CHD5: variants seen among roughly 807,000 people sequenced by gnomAD.
CHD5 encodes chromodomain helicase DNA binding protein 5.
In CHD5, 69 loss-of-function variants were observed where a neutral mutation model predicts 230.3. The observed-to-expected ratio is 0.30, with a 90% CI of 0.25 to 0.37. The LOEUF (loss-of-function observed/expected upper bound fraction) is 0.37, where lower values mean the gene tolerates loss of function less well. Ranked by LOEUF, CHD5 falls within the 10% of genes least tolerant of loss-of-function variation. CHD5 has a pLI of 1.00. For missense variants in CHD5, 1,827 were observed against 2,622.8 expected (o/e 0.70, Z 6.63); for synonymous variants, 1,064 against 1,065.9 (o/e 1.00, Z 0.03).
At chr1:6,145,934 A>C (rs2100860386) in intron 11 of CHD5, among the ~76,000 whole-genome samples, 1 of 152,288 alleles carries the variant, frequency 6.6e-6, no homozygotes, top group East Asian at 1.9e-4. Context: ...GGTATCAAGC[A>C]CTAACCCAGC....
At position 6,142,369 on chromosome 1, in the gene CHD5, GC is replaced by G; in HGVS notation, c.2236-42del. 1 of 1,595,358 alleles carries G rather than the reference GC, an allele frequency of 6.3e-7. No homozygotes were observed. Among genetic ancestry groups the G allele is most frequent in the Non-Finnish European group, 8.6e-7 (1 of 1,166,974 alleles). Reference sequence around the variant, plus strand: ...GATGCCGTGAGACCACCTGCCCTTGGCCAGGACCAGCCACCCCTCCTGGCCG... The same window carrying G: ...GATGCCGTGAGACCACCTGCCCTTGGCAGGACCAGCCACCCCTCCTGGCCG... On this transcript the variant is annotated intron_variant, in intron 14 of 41. Coordinates refer to ENST00000262450, the MANE Select transcript of CHD5 (RefSeq NM_015557.3). This position sits in a 1 kb window ranked among gnomAD's most constrained non-coding sequence, Gnocchi z 5.2.
Position 6,117,798 on chromosome 1 carries a change from C to T in CHD5, c.4912+3307G>A, listed in dbSNP as rs189711543. ...AAAGACAGATAATAACAGGTATTGG[C>T]AAGTATGTGAAGAAACTGGAACCCT... On this transcript the variant is annotated intron_variant, in intron 33 of 41. Coordinates refer to ENST00000262450, the MANE Select transcript of CHD5 (RefSeq NM_015557.3). Among the ~76,000 whole-genome samples, 670 of 152,200 alleles carry T rather than the reference C, an allele frequency of 4.4e-3. 4 individuals carry two copies. The highest frequency in any genetic ancestry group is 0.015 in the African/African-American group (604 of 41,496).
chr1:6,144,408 G>T (rs1221625226), intron 11 of CHD5, among the ~76,000 whole-genome samples: 1 of 152,208 alleles, frequency 6.6e-6, no homozygotes, highest in Non-Finnish European at 1.5e-5. Flanking sequence ...GGAGCAATGA[G>T]CCAGCCTCCC....
In CHD5 at chr1:6,154,767, A is replaced by G. The variant is rs767762669; in HGVS notation, c.638T>C (p.Val213Ala). ...GSSAAAAAAA[V>A]AAAVETVTIS... ...GGTGACCGTCTCTACAGCCGCAGCC[A>G]CCGCCGCCGCCGCTGCTGCCGCGGA... is the stretch of plus-strand genomic sequence containing the variant. The change falls in exon 5 of 42, where the codon GTG (valine) becomes GCG (alanine). Residue 213 changes from valine (V) to alanine (A), a missense_variant. Val to Ala is a moderately conservative substitution (Grantham distance 64). Around this residue, in one of 14 missense-constraint regions of CHD5, gnomAD observed 657 missense variants for 816.4 expected, o/e 0.80. Coordinates refer to ENST00000262450, the MANE Select transcript of CHD5 (RefSeq NM_015557.3). The surrounding 1 kb of genome is among the most constrained non-coding windows in gnomAD (Gnocchi z 7.0). The G allele has an allele frequency of 1.1e-5, 18 of 1,612,070 alleles. No homozygotes were observed. In the African/African-American group the frequency reaches 2.0e-4, roughly 18 times the overall value.
In CHD5 at chr1:6,142,022, G is replaced by C. The variant is rs766956121; in HGVS notation, c.2436+106C>G. 27 of 1,005,926 alleles carry C rather than the reference G, an allele frequency of 2.7e-5. No homozygotes were observed. The highest frequency in any genetic ancestry group is 4.0e-5 in the Non-Finnish European group (26 of 654,518). 62.3% of individuals were successfully genotyped at this position (1,005,926 alleles called of 1,614,324 possible). A position where few individuals can be genotyped will look rare whatever the true frequency, so the allele number is the denominator to read the frequency against. On this transcript the variant is annotated intron_variant, in intron 15 of 41. Transcript: ENST00000262450. This position sits in a 1 kb window ranked among gnomAD's most constrained non-coding sequence, Gnocchi z 5.2. Reference sequence around the variant, plus strand: ...AGCCCCTCAGAGCCTGCCGGCCTCGGTAGCCCTCCCAGGCTGAGGGACCCC... The same window carrying C: ...AGCCCCTCAGAGCCTGCCGGCCTCGCTAGCCCTCCCAGGCTGAGGGACCCC...
rs2100868103 is a variant in CHD5 at position 6,154,156 on chromosome 1, G to T, written c.745+504C>A. Among the ~76,000 whole-genome samples the T allele has an allele frequency of 6.6e-6, 1 of 152,300 alleles. No individual in the cohort carries two copies. Among genetic ancestry groups the T allele is most frequent in the Admixed American group, 6.5e-5 (1 of 15,306 alleles). ...CCCGGATCCTAAAGCTGGAGGGGCA[G>T]GGCCTCCATGCTCCACATTGGCCGA... On this transcript the variant is annotated intron_variant, in intron 5 of 41. Coordinates refer to ENST00000262450, the MANE Select transcript of CHD5 (RefSeq NM_015557.3). The surrounding 1 kb of genome is among the most constrained non-coding windows in gnomAD (Gnocchi z 7.0).
At chr1:6,114,026 G>T (rs910064879) in intron 33 of CHD5, among the ~76,000 whole-genome samples, 2 of 152,170 alleles carry the variant, frequency 1.3e-5, no homozygotes, top group Admixed American at 6.5e-5. Context: ...GAGGCCGGAG[G>T]ATCACAAGGT....
chr1:6,150,071 G>A (rs999158781), intron 7 of CHD5, among the ~76,000 whole-genome samples: 14 of 150,788 alleles, frequency 9.3e-5, no homozygotes, highest in Non-Finnish European at 1.8e-4. Context: ...TGGAAGGATG[G>A]ATGCATAGAT....
Position 6,123,240 on chromosome 1 carries a change from C to T in CHD5, c.4699+708G>A, listed in dbSNP as rs147618317. Among the ~76,000 whole-genome samples the T allele has an allele frequency of 5.5e-3, 836 of 152,176 alleles. 7 individuals are homozygous for T. Among genetic ancestry groups the T allele is most frequent in the Non-Finnish European group, 9.2e-3 (627 of 68,010 alleles). On this transcript the variant is annotated intron_variant, in intron 31 of 41. Transcript: ENST00000262450. ...CACGCACTGTGCAGTGCCATATACA[C>T]GAACCATCCAGCATTGCGAAATCCA...
intron 1 of CHD5, among the ~76,000 whole-genome samples, chr1:6,175,754 T>C (rs983491631): frequency 6.7e-6 from 1 of 149,284 alleles, no homozygotes; most frequent in Non-Finnish European, 1.5e-5. Flanking sequence ...AGGTGGATGG[T>C]GAATGGTTAC....
chr1:6,114,623 C>T lies in CHD5; in HGVS notation c.4913-1625G>A, dbSNP rs1253009048. Among the ~76,000 whole-genome samples, 3 of 151,998 alleles carry T rather than the reference C, an allele frequency of 2.0e-5. No individual in the cohort carries two copies. The South Asian group carries it at 6.2e-4, about 32-fold the overall frequency. On this transcript the variant is annotated intron_variant, in intron 33 of 41. Coordinates refer to ENST00000262450, the MANE Select transcript of CHD5 (RefSeq NM_015557.3). ...CCACATTCAAAGCCATCCTGGGCCA[C>T]ATTTGTCCCACGGACCACACAGGTT...
intron 31 of CHD5, 88 bp downstream of exon 31, chr1:6,123,860 G>A: frequency 1.1e-5 from 10 of 937,858 alleles, no homozygotes; most frequent in Non-Finnish European, 1.5e-5. Flanking sequence ...GCCGTCTTCT[G>A]TGGGATTGTG....
intron 34 of CHD5, among the ~76,000 whole-genome samples, chr1:6,112,583 T>C (rs1666310098): frequency 6.6e-6 from 1 of 152,208 alleles, no homozygotes; most frequent in African/African-American, 2.4e-5. Context: ...GGGGCTGATC[T>C]GAGGACAACT....
chr1:6,121,229 T>A lies in CHD5; in HGVS notation c.4788A>T (p.Pro1596=), dbSNP rs372922721. ...PRQPLEVQAL[P]AALDRVESED... is the part of the protein sequence containing the mutation. ...CACTCTCCACTCTATCCAAGGCGGC[T>A]GGAAGGGCCTGCAGAGGAAAAGCCA... is the stretch of plus-strand genomic sequence containing the variant. The change falls in exon 33 of 42, where the codon CCA becomes CCT. Residue 1596 remains proline, a synonymous_variant. Transcript: ENST00000262450. The surrounding 1 kb of genome is among the most constrained non-coding windows in gnomAD (Gnocchi z 4.5). The A allele has an allele frequency of 1.9e-6, 3 of 1,610,464 alleles. No individual in the cohort carries two copies. The highest frequency in any genetic ancestry group is 1.7e-4 in the Middle Eastern group (1 of 6,042).
At chr1:6,139,189 G>T (rs1177730337) in intron 15 of CHD5, among the ~76,000 whole-genome samples, 1 of 152,196 alleles carries the variant, frequency 6.6e-6, no homozygotes, top group Non-Finnish European at 1.5e-5. Context: ...GCATACCAAT[G>T]TGAATGTACT....
At chr1:6,168,356 G>A (rs1271184608) in intron 1 of CHD5, 79 bp from the exon 2 acceptor site, 1 of 1,481,270 alleles carries the variant, frequency 6.8e-7, no homozygotes, top group Non-Finnish European at 9.0e-7. Context: ...CCAGCCCTGG[G>A]GAAGCTGGGA....
chr1:6,116,825 A>C (rs1666384879), intron 33 of CHD5, among the ~76,000 whole-genome samples: 1 of 152,264 alleles, frequency 6.6e-6, no homozygotes, highest in Non-Finnish European at 1.5e-5. Flanking sequence ...TGAATGAAGC[A>C]ATGATGAACA....
chr1:6,111,621 GAC>G (rs1666291645), intron 36 of CHD5, among the ~76,000 whole-genome samples, 152 bp downstream of exon 36: 1 of 152,006 alleles, frequency 6.6e-6, no homozygotes, highest in Non-Finnish European at 1.5e-5. Flanking sequence ...GGGAGCGGGC[GAC>G]ACAGCAATGC....
intron 1 of CHD5, among the ~76,000 whole-genome samples, chr1:6,170,766 G>A (rs980013633): frequency 3.9e-5 from 6 of 152,218 alleles, no homozygotes; most frequent in Non-Finnish European, 7.3e-5. Context: ...GTGGAAAGGC[G>A]GGGATTTTTC....
Sources: allele counts gnomAD v4.1 joint callset (sites outside exome capture counted in the v4.1 genomes callset), GRCh38; gene constraint gnomAD v4.1.1; regional missense constraint gnomAD v4.1.1; non-coding constraint Gnocchi (gnomAD v3.1); transcripts MANE v1.5; gene names NCBI Gene and HGNC (gene_info 2026-07-23, HGNC 2026-07-21).